Variants in HERC6 observed in about 807,000 individuals in gnomAD.
The protein encoded by HERC6 is HECT and RLD domain containing E3 ubiquitin protein ligase family member 6, also known as probable E3 ubiquitin-protein ligase HERC6.
In HERC6, 101 loss-of-function variants were observed where a neutral mutation model predicts 114.5. That is an observed-to-expected ratio of 0.88 (90% CI 0.75 to 1.04). HERC6 has a LOEUF of 1.04. HERC6 is among the 50% of genes least tolerant of loss of function. The pLI is 0.00. For synonymous variants in HERC6, 408 were observed against 436.2 expected, an observed-to-expected ratio of 0.94 and a Z score of 0.81; for missense variants, 1,133 against 1,230.9, an observed-to-expected ratio of 0.92 and a Z score of 1.19.
At position 88,393,660 on chromosome 4, in the gene HERC6, AAGAC is replaced by A; in HGVS notation, c.759+82_759+85del. The A allele has an allele frequency of 1.2e-5, 10 of 843,194 alleles. No homozygotes were observed. In the South Asian group the frequency reaches 1.7e-4, roughly 15 times the overall value. 52.2% of individuals were successfully genotyped at this position (843,194 alleles called of 1,614,324 possible). ...ATACATATGTACTAATTATTGTTGA[AAGAC>A]AGAGACATTAGCCCATTTGGGCCAC... On this transcript the variant is annotated intron_variant, in intron 5 of 22. Transcript: ENST00000264346.
At position 88,424,741 on chromosome 4, in the gene HERC6, CAT is replaced by C. The variant is rs766133420; in HGVS notation, c.1935+45_1935+46del. 3.2e-5 allele frequency: 40 copies of C among 1,244,900 alleles called. No homozygotes were observed. In the East Asian group the frequency reaches 8.2e-4, roughly 25 times the overall value. The allele number at this position is 1,244,900 out of a possible 1,614,324, so 77.1% of individuals were successfully genotyped here. ...ATTTTTTAGTATGAAAAATTTCAAA[CAT>C]ATATAAAATAGAGATAGTGGTATAA... On this transcript the variant is annotated intron_variant, in intron 15 of 22. Transcript: ENST00000264346.
In HERC6 at chr4:88,384,825, G is replaced by A. The variant is rs529242548; in HGVS notation, c.360-674G>A. Among the ~76,000 whole-genome samples the A allele has an allele frequency of 3.4e-4, 52 of 152,202 alleles. 1 individual carries two copies. The South Asian group carries it at 0.01, about 30-fold the overall frequency. ...ACCTGAGATCAGGATTTCGAGACCAGCCTGGCCAACATGGTGAAACCTCGT... is the reference window on the plus strand; with the variant it reads ...ACCTGAGATCAGGATTTCGAGACCAACCTGGCCAACATGGTGAAACCTCGT... On this transcript the variant is annotated intron_variant, in intron 2 of 22. Coordinates refer to ENST00000264346, the MANE Select transcript of HERC6 (RefSeq NM_017912.4).
At chr4:88,422,605 G>A (rs1455866773) in intron 13 of HERC6, among the ~76,000 whole-genome samples, 1 of 139,740 alleles carries the variant, frequency 7.2e-6, no homozygotes, top group Non-Finnish European at 1.5e-5. Flanking sequence ...GCCTGCTCAT[G>A]TGTTATAGAT....
At chr4:88,400,037 A>G (rs1211101850) in intron 8 of HERC6, among the ~76,000 whole-genome samples, 1 of 152,156 alleles carries the variant, frequency 6.6e-6, no homozygotes, top group African/African-American at 2.4e-5. Context: ...CCATAGGAAG[A>G]AAGGACAAAG....
At chr4:88,424,742 A>G (rs751276183) in intron 15 of HERC6, 40 bp downstream of exon 15, 2 of 1,201,942 alleles carry the variant, frequency 1.7e-6, no homozygotes, top group Non-Finnish European at 2.4e-6. Context: ...AATTTCAAAC[A>G]TATATAAAAT....
intron 8 of HERC6, among the ~76,000 whole-genome samples, chr4:88,401,360 G>A (rs1003890723): frequency 1.3e-5 from 2 of 151,956 alleles, no homozygotes; most frequent in South Asian, 4.2e-4. Flanking sequence ...GGGTGTGGTG[G>A]AGGGCACCTG....
At chr4:88,387,369 G>T (rs1184453025) in intron 3 of HERC6, among the ~76,000 whole-genome samples, 2 of 152,140 alleles carry the variant, frequency 1.3e-5, no homozygotes, top group Admixed American at 6.6e-5. Flanking sequence ...TGCATTCCAG[G>T]CTGGGCGACA....
intron 17 of HERC6, among the ~76,000 whole-genome samples, chr4:88,432,647 T>G (rs1051874443): frequency 6.6e-6 from 1 of 151,642 alleles, no homozygotes; most frequent in Non-Finnish European, 1.5e-5. Context: ...GAGAATCACT[T>G]GAACCTAAGA....
intron 22 of HERC6, 87 bp downstream of exon 22, chr4:88,440,337 C>T: frequency 2.5e-6 from 2 of 787,516 alleles, no homozygotes; most frequent in Non-Finnish European, 4.1e-6. Flanking sequence ...TTGAAGTGGC[C>T]TCATTGTCTG....
intron 15 of HERC6, among the ~76,000 whole-genome samples, chr4:88,425,853 A>AT (rs984207488): frequency 6.6e-6 from 1 of 151,892 alleles, no homozygotes; most frequent in Non-Finnish European, 1.5e-5. Flanking sequence ...GTTTATATCT[A>AT]TTTTTCTATG....
intron 12 of HERC6, among the ~76,000 whole-genome samples, chr4:88,416,078 A>G (rs1026073294): frequency 1.3e-5 from 2 of 152,182 alleles, no homozygotes; most frequent in African/African-American, 4.8e-5. Flanking sequence ...GGAATTCAGG[A>G]TCTGCAAAAT....
At chr4:88,427,416 A>G (rs1431442303) in intron 15 of HERC6, among the ~76,000 whole-genome samples, 1 of 151,892 alleles carries the variant, frequency 6.6e-6, no homozygotes, top group Non-Finnish European at 1.5e-5. Flanking sequence ...CATGTTGCTC[A>G]GTAGTCAGTA....
At chr4:88,423,547 G>A (rs537738401) in intron 13 of HERC6, among the ~76,000 whole-genome samples, 47 of 152,276 alleles carry the variant, frequency 3.1e-4, no homozygotes, top group Non-Finnish European at 6.5e-4. Flanking sequence ...TTTGTTAAAA[G>A]TACCTTGGAT....
At chr4:88,407,287 G>A (rs1027786285) in intron 10 of HERC6, among the ~76,000 whole-genome samples, 2 of 148,356 alleles carry the variant, frequency 1.3e-5, no homozygotes, top group Non-Finnish European at 3.0e-5. Flanking sequence ...ACCACGTTGG[G>A]CCAGGCTGGT....
intron 17 of HERC6, among the ~76,000 whole-genome samples, chr4:88,431,577 T>G (rs1263960848): frequency 1.3e-5 from 2 of 152,212 alleles, no homozygotes; most frequent in African/African-American, 4.8e-5. Flanking sequence ...GTTACATTTT[T>G]AATGGTTTTA....
At chr4:88,436,546 C>T (rs1164136881) in intron 18 of HERC6, among the ~76,000 whole-genome samples, 1 of 152,200 alleles carries the variant, frequency 6.6e-6, no homozygotes, top group Non-Finnish European at 1.5e-5. Context: ...GGGTCACACC[C>T]ACTGGATGCC....
chr4:88,441,187 G>A (rs963582488), intron 22 of HERC6, among the ~76,000 whole-genome samples: 1 of 151,986 alleles, frequency 6.6e-6, no homozygotes, highest in Non-Finnish European at 1.5e-5. Flanking sequence ...TAAGTCCTAT[G>A]ATGTTCGAAT....
At chr4:88,391,718 G>C (rs1413323744) in intron 4 of HERC6, among the ~76,000 whole-genome samples, 2 of 152,044 alleles carry the variant, frequency 1.3e-5, no homozygotes, top group Non-Finnish European at 2.9e-5. Context: ...AGTTCCTCTA[G>C]GCAAAAGAAA....
chr4:88,420,113 A>G (rs914832192), intron 13 of HERC6, among the ~76,000 whole-genome samples: 1 of 151,976 alleles, frequency 6.6e-6, no homozygotes, highest in Non-Finnish European at 1.5e-5. Flanking sequence ...TCTCACACTA[A>G]CTTTCGTTTT....
Sources: gnomAD v4.1 joint callset for allele counts (sites outside exome capture counted in the v4.1 genomes callset) on GRCh38, gnomAD v4.1.1 for gene constraint, MANE v1.5 for transcripts, NCBI Gene and HGNC (gene_info 2026-07-23, HGNC 2026-07-21) for gene names.